The following QRFPR variants were observed in gnomAD, a reference collection of about 807,000 sequenced individuals.
QRFPR encodes pyroglutamylated RFamide peptide receptor.
A neutral mutation model predicts 31.3 loss-of-function variants in QRFPR; 37 were observed. That is an observed-to-expected ratio of 1.18 (90% confidence interval 0.91 to 1.56). The LOEUF is 1.56. Ranked by LOEUF, QRFPR falls within the 40% of genes most tolerant of loss-of-function variation. QRFPR has a pLI of 0.00. For synonymous variants in QRFPR, 197 were observed against 192.0 expected (o/e 1.03, Z -0.22); for missense variants, 542 against 532.5 (o/e 1.02, Z -0.18).
chr4:121,368,947 ACAGGGG>A (rs1055139378), intron 1 of QRFPR, among the ~76,000 whole-genome samples: 1 of 152,224 alleles, frequency 6.6e-6, no homozygotes, highest in Non-Finnish European at 1.5e-5. Context: ...CTTCCACACA[ACAGGGG>A]CAAGCTTTGT....
intron 1 of QRFPR, among the ~76,000 whole-genome samples, chr4:121,372,945 G>A (rs1726279814): frequency 6.6e-6 from 1 of 152,208 alleles, no homozygotes; most frequent in South Asian, 2.1e-4. Context: ...ACAACACAGA[G>A]GGAAGTGGAG....
intron 4 of QRFPR, among the ~76,000 whole-genome samples, chr4:121,331,677 G>C (rs978500947): frequency 1.3e-5 from 2 of 148,908 alleles, no homozygotes; most frequent in African/African-American, 4.9e-5. Flanking sequence ...TATGGAGATG[G>C]AGTCTTGCTC....
In QRFPR at chr4:121,348,913, C is replaced by T. The variant is rs182992688; in HGVS notation, c.341-8303G>A. On this transcript the variant is annotated intron_variant, in intron 1 of 5. Transcript: ENST00000394427. ...GAGATTGAGACCATCCTGGCTAACA[C>T]GGTGAAAGCCCATCTCTACTAAAAA... 3.6e-3 allele frequency among the ~76,000 whole-genome samples: 549 copies of T among 152,064 alleles called. 35 individuals carry two copies. The East Asian group carries it at 0.079, about 22-fold the overall frequency.
At chr4:121,347,852 T>A (rs1390079911) in intron 1 of QRFPR, among the ~76,000 whole-genome samples, 1 of 152,138 alleles carries the variant, frequency 6.6e-6, no homozygotes, top group Non-Finnish European at 1.5e-5. Flanking sequence ...TTACCATGAC[T>A]AATATTAACT....
At chr4:121,334,870 G>A (rs146579796) in intron 3 of QRFPR, among the ~76,000 whole-genome samples, 6 of 152,308 alleles carry the variant, frequency 3.9e-5, no homozygotes, top group South Asian at 4.1e-4. Flanking sequence ...AGCTCAGGAC[G>A]ATATTAGGCA....
intron 1 of QRFPR, among the ~76,000 whole-genome samples, chr4:121,365,613 T>A (rs1415886892): frequency 0.11 from 740 of 6,524 alleles, 120 homozygotes; most frequent in Non-Finnish European, 0.14. Flanking sequence ...ATATATATAT[T>A]ATATATATTA....
At chr4:121,357,908 A>G (rs965654388) in intron 1 of QRFPR, among the ~76,000 whole-genome samples, 2 of 152,142 alleles carry the variant, frequency 1.3e-5, no homozygotes, top group African/African-American at 2.4e-5. Context: ...TTTATATTCT[A>G]TCTTCTCTTT....
At chr4:121,341,906 C>G (rs577040630) in intron 1 of QRFPR, among the ~76,000 whole-genome samples, 1 of 152,298 alleles carries the variant, frequency 6.6e-6, no homozygotes, top group Middle Eastern at 3.4e-3. Flanking sequence ...CCTGAGATCA[C>G]TACCCCACAT....
At chr4:121,371,740 A>G (rs1429778905) in intron 1 of QRFPR, among the ~76,000 whole-genome samples, 1 of 152,120 alleles carries the variant, frequency 6.6e-6, no homozygotes, top group African/African-American at 2.4e-5. Context: ...AAACATATCT[A>G]CCCTGAGTAC....
In QRFPR at chr4:121,380,531, C is replaced by T. The variant is rs1726470975; in HGVS notation, c.117G>A (p.Glu39=). 2 of 1,613,230 alleles carry T rather than the reference C, an allele frequency of 1.2e-6. No homozygotes were observed. Among genetic ancestry groups the T allele is most frequent in the Non-Finnish European group, 1.7e-6 (2 of 1,179,598 alleles). The change falls in exon 1 of 6, where the codon GAG becomes GAA. Residue 39 remains glutamate (E), a synonymous_variant. Transcript: ENST00000394427. ...YRLRPLVYTP[E]LPGRAKLALV... Reference sequence around the variant, plus strand: ...GGGCCAGCTTGGCGCGTCCCGGCAGCTCTGGGGTGTAGACGAGCGGTCGCA... The same window carrying T: ...GGGCCAGCTTGGCGCGTCCCGGCAGTTCTGGGGTGTAGACGAGCGGTCGCA...
intron 1 of QRFPR, among the ~76,000 whole-genome samples, chr4:121,363,159 T>C (rs1726023458): frequency 6.7e-6 from 1 of 149,774 alleles, no homozygotes; most frequent in Non-Finnish European, 1.5e-5. Flanking sequence ...ACCCCGTCTC[T>C]ACTAAAGATA....
intron 1 of QRFPR, among the ~76,000 whole-genome samples, chr4:121,367,806 C>T (rs774455233): frequency 2.0e-5 from 3 of 149,646 alleles, no homozygotes; most frequent in Non-Finnish European, 3.0e-5. Flanking sequence ...CCTAAGTTTA[C>T]ATATTAGGAC....
rs530064250 is a variant in QRFPR at position 121,373,477 on chromosome 4, CT to C, written c.340+6830del. Among the ~76,000 whole-genome samples, 79 of 152,228 alleles carry C rather than the reference CT, an allele frequency of 5.2e-4. 1 individual carries two copies. Among genetic ancestry groups the C allele is most frequent in the African/African-American group, 1.8e-3 (74 of 41,554 alleles). On this transcript the variant is annotated intron_variant, in intron 1 of 5. Coordinates refer to ENST00000394427, the MANE Select transcript of QRFPR (RefSeq NM_198179.3). ...TGTTGGACCTCTGTTTAATTTACAT[CT>C]TTTTTAATACTTCCTTATTTTAAAA...
chr4:121,339,774 A>G (rs1356485520), intron 2 of QRFPR, among the ~76,000 whole-genome samples: 1 of 152,006 alleles, frequency 6.6e-6, no homozygotes, highest in Admixed American at 6.6e-5. Context: ...AGAAACATAG[A>G]GAGACCCTGT....
intron 1 of QRFPR, among the ~76,000 whole-genome samples, chr4:121,346,259 A>G (rs901758643): frequency 2.5e-4 from 38 of 152,322 alleles, no homozygotes; most frequent in African/African-American, 9.1e-4. Context: ...CCCTTGTCCC[A>G]ATACAACCTG....
At chr4:121,375,843 A>G (rs1446520648) in intron 1 of QRFPR, among the ~76,000 whole-genome samples, 1 of 152,244 alleles carries the variant, frequency 6.6e-6, no homozygotes, top group Non-Finnish European at 1.5e-5. Context: ...AGACTAGTTC[A>G]TGGAAACTTA....
intron 1 of QRFPR, among the ~76,000 whole-genome samples, chr4:121,349,145 T>C (rs13151901): frequency 0.61 from 93,024 of 151,894 alleles, 30,119 homozygotes; most frequent in Non-Finnish European, 0.71. Context: ...AATAATTATC[T>C]TGGTTACTGT....
intron 1 of QRFPR, among the ~76,000 whole-genome samples, chr4:121,352,890 G>A (rs1486211335): frequency 6.6e-6 from 1 of 151,766 alleles, no homozygotes; most frequent in African/African-American, 2.4e-5. Flanking sequence ...CCCTTTCTCT[G>A]GTAACTATCA....
intron 2 of QRFPR, chr4:121,340,126 A>AAG (rs1553946187): frequency 5.6e-6 from 1 of 179,086 alleles, no homozygotes; most frequent in Admixed American, 6.0e-5. Flanking sequence ...AAAAAAAAAA[A>AAG]AAAAAAGATA....
Sources: allele counts gnomAD v4.1 joint callset (sites outside exome capture counted in the v4.1 genomes callset), GRCh38; gene constraint gnomAD v4.1.1; transcripts MANE v1.5; gene names NCBI Gene and HGNC (gene_info 2026-07-23, HGNC 2026-07-21).